The following KCNK9 variants were observed in gnomAD, a reference collection of about 807,000 sequenced individuals.
The protein encoded by KCNK9 is potassium channel subfamily K member 9.
KCNK9 carries 1 observed loss-of-function variant against 10.8 expected under a neutral mutation model. The ratio of observed to expected loss-of-function variants is 0.09; its 90% CI spans 0.03 to 0.44. The LOEUF is 0.44. Among genes scored for constraint, KCNK9 ranks in the 20% least tolerant of loss-of-function variants. KCNK9 has a pLI of 0.97. For missense variants in KCNK9, 303 were observed against 515.0 expected (o/e 0.59, Z 3.98); for synonymous variants, 231 against 222.7 (o/e 1.04, Z -0.33).
Position 139,653,394 on chromosome 8 carries a change from G to A in KCNK9, c.284-34295C>T, listed in dbSNP as rs1247217654. 2.6e-5 allele frequency among the ~76,000 whole-genome samples: 4 copies of A among 152,148 alleles called. No homozygotes were observed. In the East Asian group the frequency reaches 5.8e-4, roughly 22 times the overall value. ...GCAAAATTGAGGTCCCCTACCTGGA[G>A]TGCCTGCCTGATCTAGTCCCTCCCC... On this transcript the variant is annotated intron_variant, in intron 1 of 1. Transcript: ENST00000520439.
intron 1 of KCNK9, among the ~76,000 whole-genome samples, chr8:139,695,348 C>T (rs1817024906): frequency 6.6e-6 from 1 of 152,170 alleles, no homozygotes; most frequent in South Asian, 2.1e-4. Context: ...CACATACAGG[C>T]TAAAATTTCT....
At chr8:139,649,680 G>T (rs950961848) in intron 1 of KCNK9, among the ~76,000 whole-genome samples, 2 of 152,222 alleles carry the variant, frequency 1.3e-5, no homozygotes, top group Non-Finnish European at 2.9e-5. Context: ...ACAGGGTCTG[G>T]CTCCAGGGCA....
At chr8:139,652,661 G>C (rs1331926863) in intron 1 of KCNK9, among the ~76,000 whole-genome samples, 2 of 152,222 alleles carry the variant, frequency 1.3e-5, no homozygotes, top group Non-Finnish European at 2.9e-5. Flanking sequence ...CCGAATGGGG[G>C]AAATACGGAC....
At chr8:139,628,383 G>A (rs1039318263) in intron 1 of KCNK9, among the ~76,000 whole-genome samples, 2 of 152,246 alleles carry the variant, frequency 1.3e-5, no homozygotes, top group Non-Finnish European at 2.9e-5. Flanking sequence ...CCCATACCCT[G>A]GCAAACACGG....
chr8:139,640,730 G>A (rs1243812735), intron 1 of KCNK9, among the ~76,000 whole-genome samples: 3 of 152,232 alleles, frequency 2.0e-5, no homozygotes, highest in Non-Finnish European at 4.4e-5. Flanking sequence ...CCAAGAACCT[G>A]GATGGGGAAA....
At chr8:139,615,361 T>G (rs1348858449), downstream of KCNK9, among the ~76,000 whole-genome samples, 1 of 152,066 alleles carries the variant, frequency 6.6e-6, no homozygotes, top group Non-Finnish European at 1.5e-5. Flanking sequence ...GCTGATTGAG[T>G]GGTAGGAGTT....
intron 1 of KCNK9, among the ~76,000 whole-genome samples, chr8:139,663,837 C>T (rs947586157): frequency 6.6e-6 from 1 of 152,178 alleles, no homozygotes; most frequent in African/African-American, 2.4e-5. Context: ...CAAACGATTG[C>T]TGTCGCTTTG....
At chr8:139,602,730 A>G (rs1471073799) in intron 2 of KCNK9, among the ~76,000 whole-genome samples, 1 of 152,228 alleles carries the variant, frequency 6.6e-6, no homozygotes, top group African/African-American at 2.4e-5. Context: ...TATAAAACAA[A>G]GAAGTTCTGA....
chr8:139,700,953 A>G (rs1817205116), intron 1 of KCNK9, among the ~76,000 whole-genome samples: 1 of 152,196 alleles, frequency 6.6e-6, no homozygotes, highest in East Asian at 1.9e-4. Context: ...TTACTACTGG[A>G]AGCCAGCATG....
At chr8:139,666,745 G>T (rs920510964) in intron 1 of KCNK9, among the ~76,000 whole-genome samples, 3 of 152,252 alleles carry the variant, frequency 2.0e-5, no homozygotes, top group Non-Finnish European at 4.4e-5. Flanking sequence ...AGCTGTATCC[G>T]CTAGTTGGCA....
chr8:139,617,375 A>T lies in KCNK9; in HGVS notation c.*883T>A. On this transcript the variant is annotated 3_prime_UTR_variant, in exon 2 of 2. Transcript: ENST00000520439. ...TGTTGGAACTGGAGGTGACAAAATT[A>T]AAAATGTCTTTTATAAGTTAATGTT... Among the ~76,000 whole-genome samples, 1 of 152,212 alleles carries T rather than the reference A, an allele frequency of 6.6e-6. No homozygotes were observed. Among genetic ancestry groups the T allele is most frequent in the Non-Finnish European group, 1.5e-5 (1 of 68,040 alleles).
At chr8:139,691,060 T>G (rs1816924405) in intron 1 of KCNK9, among the ~76,000 whole-genome samples, 1 of 152,240 alleles carries the variant, frequency 6.6e-6, no homozygotes, top group Non-Finnish European at 1.5e-5. Context: ...ACATGACTAA[T>G]CAATCACACA....
At chr8:139,653,844 G>A (rs769875491) in intron 1 of KCNK9, among the ~76,000 whole-genome samples, 60 of 152,174 alleles carry the variant, frequency 3.9e-4, no homozygotes, top group African/African-American at 1.4e-3. Context: ...CTCAGCTCTC[G>A]GGCAACACCC....
At chr8:139,672,696 C>T (rs1261760542) in intron 1 of KCNK9, among the ~76,000 whole-genome samples, 1 of 152,220 alleles carries the variant, frequency 6.6e-6, no homozygotes, top group Non-Finnish European at 1.5e-5. Context: ...TCTCTGTCTA[C>T]AGCAGGCTTG....
chr8:139,699,592 G>C (rs1172690976), intron 1 of KCNK9, among the ~76,000 whole-genome samples: 1 of 152,212 alleles, frequency 6.6e-6, no homozygotes, highest in Non-Finnish European at 1.5e-5. Context: ...GGGGAGGAAT[G>C]GAAACAGAGC....
At chr8:139,668,765 T>C (rs79715186) in intron 1 of KCNK9, among the ~76,000 whole-genome samples, 5,921 of 152,306 alleles carry the variant, frequency 0.039, 230 homozygotes, top group African/African-American at 0.1. Context: ...AACACATTTG[T>C]GTGACTCCCT....
intron 1 of KCNK9, among the ~76,000 whole-genome samples, chr8:139,680,303 C>T (rs995023771): frequency 1.3e-5 from 2 of 152,152 alleles, no homozygotes; most frequent in Admixed American, 1.3e-4. Flanking sequence ...GAAACTTCCC[C>T]AGGGCTGTGG....
intron 1 of KCNK9, among the ~76,000 whole-genome samples, chr8:139,644,818 G>A (rs770998770): frequency 1.4e-4 from 21 of 145,488 alleles, no homozygotes; most frequent in Admixed American, 3.7e-4. Flanking sequence ...GGCCACCTCC[G>A]CTGGGCCCCG....
At chr8:139,622,754 T>C (rs1444717136) in intron 1 of KCNK9, among the ~76,000 whole-genome samples, 1 of 152,204 alleles carries the variant, frequency 6.6e-6, no homozygotes, top group Non-Finnish European at 1.5e-5. Context: ...GTGCTTATGA[T>C]AGAACACTGC....
Sources: gnomAD v4.1 joint callset for allele counts (sites outside exome capture counted in the v4.1 genomes callset) on GRCh38, gnomAD v4.1.1 for gene constraint, MANE v1.5 for transcripts, NCBI Gene and HGNC (gene_info 2026-07-23, HGNC 2026-07-21) for gene names.